SLC11A2: variants seen among roughly 807,000 people sequenced by gnomAD.
SLC11A2 encodes natural resistance-associated macrophage protein 2.
SLC11A2 carries 38 observed loss-of-function variants against 68.0 expected under a neutral mutation model. The observed-to-expected ratio is 0.56, with a 90% confidence interval of 0.43 to 0.73. The LOEUF is 0.73. SLC11A2 is among the 30% of genes least tolerant of loss of function. The probability of loss-of-function intolerance (pLI) is 0.00; values close to 1 mark genes in which losing one functional copy is unlikely to be tolerated. For missense variants in SLC11A2, 517 were observed against 690.5 expected, an observed-to-expected ratio of 0.75 and a Z score of 2.82; for synonymous variants, 242 against 250.6, an observed-to-expected ratio of 0.97 and a Z score of 0.32.
chr12:50,958,430 C>T, the SLC11A2 span, among the ~76,000 whole-genome samples: 3 of 151,336 alleles, frequency 2.0e-5, no homozygotes, highest in East Asian at 2.0e-4. Flanking sequence ...TACAGGCACC[C>T]GCCACCACAC....
chr12:50,961,022 G>A, the SLC11A2 span: 2 of 1,612,366 alleles, frequency 1.2e-6, no homozygotes, highest in South Asian at 1.1e-5. Flanking sequence ...CTAAAGTACA[G>A]AAGAGATCAG....
At chr12:50,963,033 C>A in the SLC11A2 span, among the ~76,000 whole-genome samples, 1 of 151,628 alleles carries the variant, frequency 6.6e-6, no homozygotes, top group East Asian at 1.9e-4. Flanking sequence ...CTTATGAAAT[C>A]TGGAGCTGGG....
intron 11 of SLC11A2, among the ~76,000 whole-genome samples, chr12:50,994,155 C>T (rs224577): frequency 0.7 from 105,404 of 151,536 alleles, 37,834 homozygotes; most frequent in East Asian, 0.87. Flanking sequence ...ATTCTCGTGT[C>T]TCAGCCTCCT....
At chr12:51,020,832 A>G in intron 1 of SLC11A2, among the ~76,000 whole-genome samples, 1 of 152,220 alleles carries the variant, frequency 6.6e-6, no homozygotes, top group African/African-American at 2.4e-5. Flanking sequence ...GACCCAGTGC[A>G]GTTGCTCACA....
intron 1 of SLC11A2, among the ~76,000 whole-genome samples, chr12:51,018,811 C>T (rs1455273179): frequency 5.3e-5 from 8 of 152,080 alleles, no homozygotes; most frequent in African/African-American, 1.2e-4. Context: ...TGAAATAATT[C>T]GTTTTCATAT....
downstream of SLC11A2, among the ~76,000 whole-genome samples, chr12:50,984,754 A>G (rs1247164814): frequency 6.6e-6 from 1 of 152,224 alleles, no homozygotes. Flanking sequence ...ACTTTTAAAA[A>G]TTCTGCACAG....
upstream of SLC11A2, among the ~76,000 whole-genome samples, chr12:51,027,914 AAGT>A (rs774155709): frequency 6.7e-3 from 63 of 9,378 alleles, no homozygotes; most frequent in African/African-American, 0.012. Context: ...GACCAAAAAA[AAGT>A]GGGGGGGGGG....
Position 51,011,552 on chromosome 12 carries a change from G to GTTTTTTT in SLC11A2, c.-38-793_-38-787dup, listed in dbSNP as rs772957287. 2.4e-5 allele frequency among the ~76,000 whole-genome samples: 3 copies of GTTTTTTT among 125,242 alleles called. 1 individual carries two copies. Among genetic ancestry groups the GTTTTTTT allele is most frequent in the East Asian group, 4.9e-4 (2 of 4,044 alleles). 82.2% of individuals were successfully genotyped at this position (125,242 alleles called of 152,430 possible). ...CACATTTCCCCCTATTTTATGAGTT[G>GTTTTTTT]TTTTTTTTTGTTTTTTTTTTAGTTT... On this transcript the variant is annotated intron_variant, in intron 1 of 15. Transcript: ENST00000262052.
downstream of SLC11A2, among the ~76,000 whole-genome samples, chr12:50,979,186 A>C (rs538860925): frequency 1.3e-5 from 2 of 152,198 alleles, no homozygotes; most frequent in Non-Finnish European, 2.9e-5. Flanking sequence ...CTTAACTTAG[A>C]AAAAAGCTTA....
chr12:51,028,047 T>G, upstream of SLC11A2: 1 of 502,068 alleles, frequency 2.0e-6, no homozygotes, highest in Non-Finnish European at 3.5e-6. Flanking sequence ...CAGAAAGGTT[T>G]GATGAAGTTC....
intron 12 of SLC11A2, 44 bp downstream of exon 12, chr12:50,992,765 AC>A: frequency 6.3e-7 from 1 of 1,596,946 alleles, no homozygotes; most frequent in Non-Finnish European, 8.6e-7. Context: ...AGAAGAAGTA[AC>A]AAAAGGGTTG....
intron 6 of SLC11A2, 84 bp downstream of exon 6, chr12:51,000,229 T>G (rs886154512): frequency 3.5e-5 from 35 of 1,012,198 alleles, no homozygotes; most frequent in Non-Finnish European, 5.1e-5. Flanking sequence ...GTCTTCAAAA[T>G]TAAAAATGAA....
the SLC11A2 span, among the ~76,000 whole-genome samples, chr12:50,973,347 C>G: frequency 6.6e-6 from 1 of 152,304 alleles, no homozygotes; most frequent in Admixed American, 6.5e-5. Flanking sequence ...ATTTGCTGTT[C>G]TGCAGCCTCC....
intron 6 of SLC11A2, among the ~76,000 whole-genome samples, chr12:50,999,956 C>T (rs1261048770): frequency 3.9e-5 from 6 of 151,932 alleles, no homozygotes; most frequent in Non-Finnish European, 7.4e-5. Flanking sequence ...TGCAGTGAGC[C>T]AAGATCATAC....
chr12:50,992,752 A>T, intron 12 of SLC11A2, 58 bp downstream of exon 12: 1 of 1,547,760 alleles, frequency 6.5e-7, no homozygotes, highest in Non-Finnish European at 8.8e-7. Flanking sequence ...AAAAAGAAGA[A>T]GAAGAAGAAG....
chr12:51,009,597 A>C (rs1042085943), intron 2 of SLC11A2, among the ~76,000 whole-genome samples: 1 of 152,240 alleles, frequency 6.6e-6, no homozygotes, highest in African/African-American at 2.4e-5. Context: ...AGAAATTTAT[A>C]GAAAAGGAAC....
chr12:50,957,937 GGTGTGTGTGTGTGTGTGT>G, the SLC11A2 span, among the ~76,000 whole-genome samples: 4,075 of 132,500 alleles, frequency 0.031, 211 homozygotes, highest in African/African-American at 0.11. Context: ...ATGAATTGGA[GGTGTGTGTGTGTGTGTGT>G]GTGTGTGTGT....
chr12:50,965,415 G>C, the SLC11A2 span, among the ~76,000 whole-genome samples: 1 of 151,642 alleles, frequency 6.6e-6, no homozygotes, highest in Non-Finnish European at 1.5e-5. Flanking sequence ...CAGCCACCGT[G>C]CCCAGCCACT....
chr12:51,028,024 A>G (rs1455896632), upstream of SLC11A2, among the ~76,000 whole-genome samples: 1 of 152,162 alleles, frequency 6.6e-6, no homozygotes, highest in Non-Finnish European at 1.5e-5. Flanking sequence ...GCTACAGTAC[A>G]TCTGTGGAGT....
Sources: allele counts gnomAD v4.1 joint callset (sites outside exome capture counted in the v4.1 genomes callset), GRCh38; gene constraint gnomAD v4.1.1; transcripts MANE v1.5; gene names NCBI Gene and HGNC (gene_info 2026-07-23, HGNC 2026-07-21).